The following ARHGAP10 variants were observed in gnomAD, a reference collection of about 807,000 sequenced individuals.
ARHGAP10 encodes the protein rho GTPase-activating protein 10.
In ARHGAP10, 87 loss-of-function variants were observed where a neutral mutation model predicts 108.6. That is an observed-to-expected ratio of 0.80 (90% confidence interval 0.67 to 0.96). The LOEUF (loss-of-function observed/expected upper bound fraction) is 0.96, where lower values mean the gene tolerates loss of function less well. Ranked by LOEUF, ARHGAP10 falls within the 40% of genes least tolerant of loss-of-function variation. The pLI, the probability that ARHGAP10 is intolerant of heterozygous loss-of-function variation, is 0.00. For synonymous variants in ARHGAP10, 347 were observed against 341.1 expected, an observed-to-expected ratio of 1.02 and a Z score of -0.19; for missense variants, 939 against 954.5, an observed-to-expected ratio of 0.98 and a Z score of 0.21.
intron 19 of ARHGAP10, among the ~76,000 whole-genome samples, chr4:148,033,590 A>G (rs1017954259): frequency 6.6e-6 from 1 of 152,328 alleles, no homozygotes; most frequent in East Asian, 1.9e-4. Flanking sequence ...TGTAATACAT[A>G]CATATAAATA....
intron 18 of ARHGAP10, among the ~76,000 whole-genome samples, chr4:147,969,915 G>A (rs1315350055): frequency 6.6e-6 from 1 of 152,202 alleles, no homozygotes; most frequent in Admixed American, 6.5e-5. Context: ...TCAGAAGGGA[G>A]CAATGGACAT....
intron 1 of ARHGAP10, among the ~76,000 whole-genome samples, chr4:147,747,751 C>T (rs1728995376): frequency 6.6e-6 from 1 of 151,998 alleles, no homozygotes; most frequent in Admixed American, 6.6e-5. Flanking sequence ...TTTATTTCAG[C>T]TGTCAGTGAG....
At chr4:147,806,995 T>G (rs1731814666) in intron 1 of ARHGAP10, among the ~76,000 whole-genome samples, 1 of 152,240 alleles carries the variant, frequency 6.6e-6, no homozygotes, top group South Asian at 2.1e-4. Flanking sequence ...GAAAGGATGC[T>G]ACGCCTAATT....
chr4:147,845,080 G>A (rs1027447988), intron 3 of ARHGAP10, among the ~76,000 whole-genome samples: 6 of 152,174 alleles, frequency 3.9e-5, no homozygotes, highest in African/African-American at 1.4e-4. Flanking sequence ...TCCCTGTAAT[G>A]CTCAAACTCC....
chr4:147,806,149 C>G (rs985070485), intron 1 of ARHGAP10, among the ~76,000 whole-genome samples: 6 of 152,158 alleles, frequency 3.9e-5, no homozygotes, highest in African/African-American at 1.4e-4. Context: ...GGCAGATTTG[C>G]AATGCTGAGA....
intron 6 of ARHGAP10, chr4:147,865,716 T>C (rs1734529511): frequency 6.6e-6 from 1 of 152,322 alleles, no homozygotes; most frequent in South Asian, 2.1e-4. Flanking sequence ...GTATGGTTTA[T>C]AGAAACAAGA....
chr4:147,986,984 T>A (rs551598149), intron 18 of ARHGAP10, among the ~76,000 whole-genome samples: 2 of 152,330 alleles, frequency 1.3e-5, no homozygotes, highest in South Asian at 4.1e-4. Context: ...TGTGACTGTT[T>A]AATAGGCTAC....
At chr4:147,794,846 A>G (rs138394532) in intron 1 of ARHGAP10, among the ~76,000 whole-genome samples, 19 of 152,332 alleles carry the variant, frequency 1.2e-4, no homozygotes, top group African/African-American at 4.3e-4. Context: ...GTGGTGTTCT[A>G]TCATGTAAGT....
chr4:148,027,237 T>C (rs1420175694), intron 19 of ARHGAP10, among the ~76,000 whole-genome samples: 1 of 152,254 alleles, frequency 6.6e-6, no homozygotes, highest in Non-Finnish European at 1.5e-5. Context: ...TAATTAAGTA[T>C]TCTTTGCCTG....
intron 12 of ARHGAP10, among the ~76,000 whole-genome samples, chr4:147,911,520 G>A (rs1353814187): frequency 1.3e-5 from 2 of 152,040 alleles, no homozygotes; most frequent in Admixed American, 6.6e-5. Flanking sequence ...CCACCATCAC[G>A]CCCGGCTAAT....
At chr4:147,959,371 AT>A (rs1560845839) in intron 16 of ARHGAP10, among the ~76,000 whole-genome samples, 1 of 151,882 alleles carries the variant, frequency 6.6e-6, no homozygotes, top group Admixed American at 6.6e-5. Flanking sequence ...CTTTTTTTAA[AT>A]TTTTTAAAAT....
Position 147,963,686 on chromosome 4 carries a change from G to A in ARHGAP10, c.1451-1338G>A, listed in dbSNP as rs898058085. On this transcript the variant is annotated intron_variant, in intron 16 of 22. Transcript: ENST00000336498. ...GCTTCAAAGAAGAGGCATTTATTCC[G>A]TCACAATTCTAGAGTCTGGAGGTCT... Among the ~76,000 whole-genome samples, 7 of 152,278 alleles carry A rather than the reference G, an allele frequency of 4.6e-5. 1 individual carries two copies. The South Asian group carries it at 8.3e-4, about 18-fold the overall frequency.
Position 147,884,668 on chromosome 4 carries a change from G to A in ARHGAP10, c.1034+2736G>A, listed in dbSNP as rs376646190. Among the ~76,000 whole-genome samples, 34 of 152,210 alleles carry A rather than the reference G, an allele frequency of 2.2e-4. 2 individuals carry two copies. In the East Asian group the frequency reaches 2.3e-3, roughly 10 times the overall value. On this transcript the variant is annotated intron_variant, in intron 10 of 22. Coordinates refer to ENST00000336498, the MANE Select transcript of ARHGAP10 (RefSeq NM_024605.4). ...CTGACATCTAAATTCATAAACTAAA[G>A]GGTTATCTGGAGTCAGCTGGGATTG... is the stretch of plus-strand genomic sequence containing the variant.
At chr4:147,845,745 C>T (rs1228095856) in intron 3 of ARHGAP10, among the ~76,000 whole-genome samples, 1 of 152,154 alleles carries the variant, frequency 6.6e-6, no homozygotes, top group Non-Finnish European at 1.5e-5. Flanking sequence ...TAAAAAATGA[C>T]ACAGGTGCTC....
At chr4:147,851,388 T>C (rs545826189) in intron 4 of ARHGAP10, among the ~76,000 whole-genome samples, 30 of 152,250 alleles carry the variant, frequency 2.0e-4, no homozygotes, top group Non-Finnish European at 4.1e-4. Context: ...AATTTTAAAA[T>C]TATTTTTGTA....
At chr4:147,789,182 T>G (rs1312796652) in intron 1 of ARHGAP10, among the ~76,000 whole-genome samples, 2 of 152,238 alleles carry the variant, frequency 1.3e-5, no homozygotes, top group African/African-American at 2.4e-5. Flanking sequence ...GAGAAGTCAA[T>G]TCAACTGTAA....
intron 1 of ARHGAP10, among the ~76,000 whole-genome samples, chr4:147,799,901 A>T (rs1731506005): frequency 6.6e-6 from 1 of 151,992 alleles, no homozygotes; most frequent in Admixed American, 6.6e-5. Context: ...CATTTTGCCT[A>T]TCTTTTTTTT....
chr4:147,837,508 C>T (rs1482314123), intron 3 of ARHGAP10, among the ~76,000 whole-genome samples: 1 of 152,140 alleles, frequency 6.6e-6, no homozygotes, highest in African/African-American at 2.4e-5. Flanking sequence ...GGGCTTAGAG[C>T]AGATGCCACT....
chr4:147,733,681 C>T (rs1391034019), intron 1 of ARHGAP10, among the ~76,000 whole-genome samples: 2 of 152,166 alleles, frequency 1.3e-5, no homozygotes, highest in African/African-American at 4.8e-5. Flanking sequence ...TCTCGGGCAC[C>T]CAGCATGGTG....
Sources: allele counts gnomAD v4.1 joint callset (sites outside exome capture counted in the v4.1 genomes callset), GRCh38; gene constraint gnomAD v4.1.1; transcripts MANE v1.5; gene names NCBI Gene and HGNC (gene_info 2026-07-23, HGNC 2026-07-21).